FFAR1: variants seen among roughly 807,000 people sequenced by gnomAD.
The protein encoded by FFAR1 is G-protein coupled receptor 40.
For synonymous variants in FFAR1, 216 were observed against 201.5 expected, an observed-to-expected ratio of 1.07 and a Z score of -0.61; for missense variants, 424 against 396.2, an observed-to-expected ratio of 1.07 and a Z score of -0.60.
At chr19:35,349,195 C>T (rs552327474), upstream of FFAR1, among the ~76,000 whole-genome samples, 5 of 152,278 alleles carry the variant, frequency 3.3e-5, no homozygotes, top group East Asian at 5.8e-4. Flanking sequence ...CTCAGGAGGC[C>T]GGCATTCTAG....
At chr19:35,348,355 C>G (rs1599699581), upstream of FFAR1, among the ~76,000 whole-genome samples, 1 of 152,204 alleles carries the variant, frequency 6.6e-6, no homozygotes, top group African/African-American at 2.4e-5. Flanking sequence ...TCACAGCACT[C>G]TGGGAGGCCA....
At chr19:35,349,349 G>T (rs900795760), upstream of FFAR1, among the ~76,000 whole-genome samples, 1 of 152,214 alleles carries the variant, frequency 6.6e-6, no homozygotes, top group Non-Finnish European at 1.5e-5. Context: ...GGTGGGTGGG[G>T]CCAAAGCAGA....
chr19:35,352,365 A>T, exon 1 of FFAR1: 1 of 1,552,888 alleles, frequency 6.4e-7, no homozygotes, highest in South Asian at 1.2e-5. Context: ...TGTGGTGCTT[A>T]ATCCGCTGGT....
At chr19:35,353,180 T>A (rs1004377720) in exon 1 of FFAR1, 3 of 152,338 alleles carry the variant, frequency 2.0e-5, no homozygotes, top group African/African-American at 7.2e-5. Flanking sequence ...ATATAAACAA[T>A]TGAGTAAGAC....
At chr19:35,351,039 G>A (rs2145691364), upstream of FFAR1, among the ~76,000 whole-genome samples, 1 of 152,212 alleles carries the variant, frequency 6.6e-6, no homozygotes, top group East Asian at 1.9e-4. Context: ...TCTCCTCCCT[G>A]CTGCCCCGCC....
chr19:35,352,465 C>T (rs1448739015), exon 1 of FFAR1: 15 of 1,548,986 alleles, frequency 9.7e-6, no homozygotes, highest in Admixed American at 2.0e-5. Flanking sequence ...CGCCACTGCT[C>T]GGGGGAAGGA....
At chr19:35,349,740 C>T (rs2066936430), upstream of FFAR1, among the ~76,000 whole-genome samples, 1 of 152,136 alleles carries the variant, frequency 6.6e-6, no homozygotes, top group Admixed American at 6.5e-5. Context: ...TCAGGTGACC[C>T]ATACACGCCT....
At chr19:35,352,916 G>A (rs2066951991) in exon 1 of FFAR1, 1 of 204,384 alleles carries the variant, frequency 4.9e-6, no homozygotes, top group African/African-American at 2.3e-5. Context: ...GCAGGATAAT[G>A]ACGCTGTTAT....
chr19:35,350,794 C>CT (rs981451889), upstream of FFAR1, among the ~76,000 whole-genome samples: 2 of 152,208 alleles, frequency 1.3e-5, no homozygotes, highest in African/African-American at 4.8e-5. Context: ...CATCAGCCCG[C>CT]TGAGGGGACT....
upstream of FFAR1, among the ~76,000 whole-genome samples, chr19:35,350,439 A>G (rs2066939269): frequency 6.6e-6 from 1 of 152,142 alleles, no homozygotes; most frequent in Non-Finnish European, 1.5e-5. Context: ...GAGGCCCGGG[A>G]CCTGCCCAGG....
exon 1 of FFAR1, chr19:35,352,252 T>C: frequency 6.4e-7 from 1 of 1,556,136 alleles, no homozygotes; most frequent in East Asian, 2.4e-5. Context: ...CTCACGCTGC[T>C]GCTCTGCGTA....
exon 1 of FFAR1, chr19:35,351,807 C>T (rs1481782254): frequency 5.0e-6 from 8 of 1,604,920 alleles, no homozygotes; most frequent in Non-Finnish European, 5.9e-6. Flanking sequence ...CGCGGTGGCC[C>T]ACTTCTTCCC....
chr19:35,350,921 A>G (rs113233684), upstream of FFAR1, among the ~76,000 whole-genome samples: 2 of 152,164 alleles, frequency 1.3e-5, no homozygotes, highest in Middle Eastern at 3.4e-3. Flanking sequence ...GCCCCTGAGA[A>G]CTGCTAAGCT....
chr19:35,350,202 C>CG (rs1399694032), upstream of FFAR1, among the ~76,000 whole-genome samples: 1 of 152,206 alleles, frequency 6.6e-6, no homozygotes, highest in Non-Finnish European at 1.5e-5. Context: ...TTCCTCCTCC[C>CG]GCTCCTTCCT....
chr19:35,352,287 G>A lies in FFAR1; in HGVS notation c.736G>A (p.Ala246Thr). Residue 246 changes from alanine (A) to threonine (T), a missense_variant, in exon 1 of 1, where the codon GCC (alanine) becomes ACC (threonine). Physicochemically the swap from Ala to Thr is moderately conservative, Grantham distance 58. Transcript: ENST00000246553. Reference sequence around the variant, plus strand: ...AGGACCCTACAACGCCTCCAACGTGGCCAGCTTCCTGTACCCCAATCTAGG... The same window carrying A: ...AGGACCCTACAACGCCTCCAACGTGACCAGCTTCCTGTACCCCAATCTAGG... 8 of 1,552,010 alleles carry A rather than the reference G, an allele frequency of 5.2e-6. No homozygotes were observed. Among genetic ancestry groups the A allele is most frequent in the Non-Finnish European group, 7.0e-6 (8 of 1,147,870 alleles).
At chr19:35,352,420 C>A in exon 1 of FFAR1, 1 of 1,554,730 alleles carries the variant, frequency 6.4e-7, no homozygotes, top group Non-Finnish European at 8.7e-7. Flanking sequence ...ACAGTGTGTG[C>A]GGCAAGAACG....
chr19:35,351,202 CAG>C (rs1419784732), upstream of FFAR1, among the ~76,000 whole-genome samples: 1 of 152,206 alleles, frequency 6.6e-6, no homozygotes, highest in African/African-American at 2.4e-5. Flanking sequence ...CTCCTCCCCA[CAG>C]AGTCTCAGAA....
At chr19:35,351,667 C>T (rs1009896341) in exon 1 of FFAR1, 15 of 1,556,228 alleles carry the variant, frequency 9.6e-6, no homozygotes, top group Non-Finnish European at 1.2e-5. Context: ...CTCCGTCTCA[C>T]CCCTAGCCTG....
upstream of FFAR1, among the ~76,000 whole-genome samples, chr19:35,349,775 G>A (rs1400285712): frequency 6.6e-6 from 1 of 152,174 alleles, no homozygotes; most frequent in Non-Finnish European, 1.5e-5. Flanking sequence ...GGAGAGCTGT[G>A]TTGTCATTCT....
Sources: allele counts gnomAD v4.1 joint callset (sites outside exome capture counted in the v4.1 genomes callset), GRCh38; gene constraint gnomAD v4.1.1; transcripts MANE v1.5; gene names NCBI Gene and HGNC (gene_info 2026-07-23, HGNC 2026-07-21).